Variants in DIXDC1 observed in about 807,000 individuals in gnomAD.
The protein encoded by DIXDC1 is DIX domain containing 1, also known as dixin.
A neutral mutation model predicts 103.1 loss-of-function variants in DIXDC1; 64 were observed. The observed-to-expected ratio is 0.62, with a 90% CI of 0.51 to 0.76. The LOEUF is 0.76. DIXDC1 is among the 30% of genes least tolerant of loss of function. DIXDC1 has a pLI of 0.00. For synonymous variants in DIXDC1, 266 were observed against 298.5 expected (o/e 0.89, Z 1.12); for missense variants, 759 against 834.2 (o/e 0.91, Z 1.11).
At chr11:112,005,705 G>A (rs1188756763) in intron 17 of DIXDC1, among the ~76,000 whole-genome samples, 1 of 152,076 alleles carries the variant, frequency 6.6e-6, no homozygotes, top group African/African-American at 2.4e-5. Context: ...GTGAGACACT[G>A]TCCTCTCCCG....
chr11:112,003,659 C>T (rs1315638152), intron 17 of DIXDC1, among the ~76,000 whole-genome samples: 6 of 151,556 alleles, frequency 4.0e-5, no homozygotes, highest in African/African-American at 1.5e-4. Flanking sequence ...ATTAGCCAGG[C>T]GTGGTGGTGC....
chr11:112,008,386 T>TTG (rs1861308705), intron 17 of DIXDC1, among the ~76,000 whole-genome samples: 1 of 152,096 alleles, frequency 6.6e-6, no homozygotes, highest in African/African-American at 2.4e-5. Context: ...CACCCCACTG[T>TTG]CAATATTAGA....
At position 111,958,953 on chromosome 11, in the gene DIXDC1, C is replaced by T. The variant is rs587644565; in HGVS notation, c.61-5596C>T. Among the ~76,000 whole-genome samples the T allele has an allele frequency of 1.3e-5, 2 of 152,316 alleles. No individual in the cohort carries two copies. The highest frequency in any genetic ancestry group is 4.8e-5 in the African/African-American group (2 of 41,578). On this transcript the variant is annotated intron_variant, in intron 1 of 19. Transcript: ENST00000440460. This position sits in a 1 kb window ranked among gnomAD's most constrained non-coding sequence, Gnocchi z 4.2. ...ACCAGCCAAGGAGAAGAGCTACCCA[C>T]TCCAGGGTCTTCACTCTGCTGAGAG...
In DIXDC1 at chr11:111,967,634, C is replaced by T. The variant is rs150043573; in HGVS notation, c.191-879C>T. Among the ~76,000 whole-genome samples the T allele has an allele frequency of 1.7e-3, 260 of 152,312 alleles. 1 individual carries two copies. Among genetic ancestry groups the T allele is most frequent in the African/African-American group, 5.9e-3 (244 of 41,558 alleles). On this transcript the variant is annotated intron_variant, in intron 2 of 19. Transcript: ENST00000440460. ...TTTGTAGAGACGGGGTTTTCACCAT[C>T]TTGCCCAGGCTAGTCTTGAACTCCT...
At chr11:111,956,619 A>G (rs112948565) in intron 1 of DIXDC1, among the ~76,000 whole-genome samples, 6,371 of 152,116 alleles carry the variant, frequency 0.042, 446 homozygotes, top group African/African-American at 0.14. Flanking sequence ...CCTCCAAAGT[A>G]GTTGGGATTA....
chr11:111,990,898 G>A (rs1052924209), intron 10 of DIXDC1, among the ~76,000 whole-genome samples: 22 of 152,062 alleles, frequency 1.4e-4, no homozygotes, highest in Non-Finnish European at 1.5e-4. Context: ...GTAGAGACGG[G>A]GTTTCACCAT....
chr11:111,932,455 G>A (rs935656913), upstream of DIXDC1, among the ~76,000 whole-genome samples: 15 of 151,688 alleles, frequency 9.9e-5, no homozygotes, highest in East Asian at 1.9e-4. Context: ...GCGTGGTGGC[G>A]GACGCCTGTA....
chr11:112,013,314 C>CGG (rs1242498201), intron 17 of DIXDC1, among the ~76,000 whole-genome samples: 24 of 9,732 alleles, frequency 2.5e-3, no homozygotes, highest in Non-Finnish European at 0.011. Context: ...GTTGACGGGT[C>CGG]GGGGGGTGGG....
Position 111,977,251 on chromosome 11 carries a change from C to T in DIXDC1, c.656+2268C>T. The stretch of plus-strand genomic sequence containing the variant: ...AGCGGAGCTGGCTTGGGTCGGAGCC[C>T]GGCTGCCTCGCCGCGTGTGACAGCC... On this transcript the variant is annotated intron_variant, in intron 5 of 19. Transcript: ENST00000440460. This position sits in a 1 kb window ranked among gnomAD's most constrained non-coding sequence, Gnocchi z 6.1. 3 of 1,002,928 alleles carry T rather than the reference C, an allele frequency of 3.0e-6. No homozygotes were observed. Among genetic ancestry groups the T allele is most frequent in the South Asian group, 4.2e-5 (1 of 23,856 alleles). 62.1% of individuals were successfully genotyped at this position (1,002,928 alleles called of 1,614,324 possible).
chr11:111,954,905 T>C (rs1555170419), intron 1 of DIXDC1, among the ~76,000 whole-genome samples: 3 of 152,120 alleles, frequency 2.0e-5, no homozygotes, highest in Non-Finnish European at 4.4e-5. Context: ...TGTAAATATA[T>C]ATATACACAC....
chr11:111,980,524 A>T (rs1458825008), intron 5 of DIXDC1, among the ~76,000 whole-genome samples: 1 of 152,226 alleles, frequency 6.6e-6, no homozygotes, highest in Non-Finnish European at 1.5e-5. Context: ...ACTTTGTAGG[A>T]CTGGGTCATT....
At chr11:111,932,008 A>G (rs1200101059) in intron 2 of DIXDC1, among the ~76,000 whole-genome samples, 3 of 148,226 alleles carry the variant, frequency 2.0e-5, no homozygotes, top group African/African-American at 7.5e-5. Context: ...ACTCACCCAC[A>G]GGCTAGCTGG....
At chr11:111,963,526 C>A (rs151072862) in intron 1 of DIXDC1, among the ~76,000 whole-genome samples, 1 of 152,190 alleles carries the variant, frequency 6.6e-6, no homozygotes, top group Admixed American at 6.5e-5. Context: ...GCTTAGGAAT[C>A]AACTGTATTT....
At chr11:111,932,971 A>G (rs1376878186), upstream of DIXDC1, among the ~76,000 whole-genome samples, 1 of 152,232 alleles carries the variant, frequency 6.6e-6, no homozygotes, top group African/African-American at 2.4e-5. Context: ...GTTTAATGAA[A>G]CAATGTATGA....
chr11:112,009,549 G>A (rs1293231904), intron 17 of DIXDC1, among the ~76,000 whole-genome samples: 3 of 152,108 alleles, frequency 2.0e-5, no homozygotes, highest in South Asian at 2.1e-4. Context: ...ACATCAATGC[G>A]AAAATCTTCA....
At chr11:112,006,446 T>C (rs1264603240) in intron 17 of DIXDC1, among the ~76,000 whole-genome samples, 1 of 152,236 alleles carries the variant, frequency 6.6e-6, no homozygotes, top group Non-Finnish European at 1.5e-5. Flanking sequence ...TCTACCAGCA[T>C]GGCGTTTGAG....
chr11:112,016,821 T>G, intron 18 of DIXDC1, 25 bp downstream of exon 18: 5 of 1,571,962 alleles, frequency 3.2e-6, no homozygotes, highest in Non-Finnish European at 4.3e-6. Flanking sequence ...TCATTGTATT[T>G]CACTGTAAAG....
At position 111,937,478 on chromosome 11, in the gene DIXDC1, CG is replaced by C; in HGVS notation, c.-18del. 1.3e-6 allele frequency: 2 copies of C among 1,570,186 alleles called. No individual in the cohort carries two copies. The highest frequency in any genetic ancestry group is 1.7e-6 in the Non-Finnish European group (2 of 1,158,322). On this transcript the variant is annotated 5_prime_UTR_variant, in exon 1 of 20. Coordinates refer to ENST00000440460, the MANE Select transcript of DIXDC1 (RefSeq NM_001037954.4). ...CGGCCGCCGGGCTGGAGACCCCGCC[CG>C]GGGAGCCCCCAGCAGGAACAATGCT... is the stretch of plus-strand genomic sequence containing the variant.
chr11:111,965,106 C>G (rs1555171391), intron 2 of DIXDC1, among the ~76,000 whole-genome samples: 1 of 152,086 alleles, frequency 6.6e-6, no homozygotes, highest in African/African-American at 2.4e-5. Flanking sequence ...GTATCTAAAC[C>G]AAGGCCAGAG....
Sources: gnomAD v4.1 joint callset for allele counts (sites outside exome capture counted in the v4.1 genomes callset) on GRCh38, gnomAD v4.1.1 for gene constraint, Gnocchi (gnomAD v3.1) non-coding constraint, MANE v1.5 for transcripts, NCBI Gene and HGNC (gene_info 2026-07-23, HGNC 2026-07-21) for gene names.